The following ZFAND3 variants were observed in gnomAD, a reference collection of about 807,000 sequenced individuals.
The protein encoded by ZFAND3 is AN1-type zinc finger protein 3.
Under a neutral mutation model 29.6 loss-of-function variants are expected in ZFAND3, and 10 were observed. The ratio of observed to expected loss-of-function variants is 0.34; its 90% CI spans 0.21 to 0.57. ZFAND3 has a LOEUF of 0.57. Among genes scored for constraint, ZFAND3 ranks in the 20% least tolerant of loss-of-function variants. The pLI is 0.86. For missense variants in ZFAND3, 230 were observed against 304.5 expected (o/e 0.76, Z 1.82); for synonymous variants, 128 against 112.6 (o/e 1.14, Z -0.87).
intron 2 of ZFAND3, among the ~76,000 whole-genome samples, chr6:37,950,640 A>G (rs1346799515): frequency 1.3e-5 from 2 of 152,018 alleles, no homozygotes; most frequent in Admixed American, 6.6e-5. Flanking sequence ...CGGCCTCCCA[A>G]AGTGCTAGGA....
At chr6:38,141,265 TC>T (rs1261107107) in intron 5 of ZFAND3, among the ~76,000 whole-genome samples, 1 of 152,332 alleles carries the variant, frequency 6.6e-6, no homozygotes, top group East Asian at 1.9e-4. Flanking sequence ...CTCCTGCTCT[TC>T]CTTTCACTAC....
At chr6:37,870,475 G>A (rs867743629) in intron 1 of ZFAND3, among the ~76,000 whole-genome samples, 14 of 151,292 alleles carry the variant, frequency 9.3e-5, no homozygotes, top group Admixed American at 2.6e-4. Context: ...GGTGGCACGC[G>A]CCAATCCCAG....
rs116289716 is a variant in ZFAND3 at position 38,064,832 on chromosome 6, C to T, written c.295+3057C>T. On this transcript the variant is annotated intron_variant, in intron 3 of 5. Coordinates refer to ENST00000287218, the MANE Select transcript of ZFAND3 (RefSeq NM_021943.3). ...TCTGAAGCTAATCTCTTTCCTAATT[C>T]CTCAAGTTTCTACAGATCTAGGGAA... Among the ~76,000 whole-genome samples, 429 of 152,144 alleles carry T rather than the reference C, an allele frequency of 2.8e-3. 3 individuals carry two copies. The highest frequency in any genetic ancestry group is 1.0e-2 in the African/African-American group (413 of 41,482).
chr6:38,050,259 A>G (rs958547331), intron 2 of ZFAND3, among the ~76,000 whole-genome samples: 2 of 151,868 alleles, frequency 1.3e-5, no homozygotes, highest in Non-Finnish European at 2.9e-5. Flanking sequence ...CTGGCCAAGA[A>G]GGCAATTCAT....
intron 2 of ZFAND3, among the ~76,000 whole-genome samples, chr6:37,984,737 G>A (rs1283452931): frequency 1.3e-5 from 2 of 152,192 alleles, no homozygotes; most frequent in African/African-American, 4.8e-5. Flanking sequence ...ATAAGAGTGA[G>A]CTACTCGTCT....
At chr6:37,861,302 A>G (rs1343197286) in intron 1 of ZFAND3, among the ~76,000 whole-genome samples, 1 of 152,156 alleles carries the variant, frequency 6.6e-6, no homozygotes, top group African/African-American at 2.4e-5. Context: ...AAACAGTTTG[A>G]TTTCAAAGAT....
intron 1 of ZFAND3, among the ~76,000 whole-genome samples, chr6:37,905,727 G>A (rs773101896): frequency 2.0e-5 from 3 of 152,026 alleles, no homozygotes; most frequent in Admixed American, 1.3e-4. Context: ...TAGGGTTAGG[G>A]TGTACCACTT....
chr6:38,082,155 T>G (rs10947711), intron 3 of ZFAND3, among the ~76,000 whole-genome samples: 117,780 of 148,696 alleles, frequency 0.79, 46,830 homozygotes, highest in Admixed American at 0.82. Flanking sequence ...TTTTTTTTTT[T>G]TGTGTGTGAA....
chr6:38,118,726 C>T (rs1440718106), intron 5 of ZFAND3, among the ~76,000 whole-genome samples: 3 of 145,574 alleles, frequency 2.1e-5, no homozygotes, highest in Non-Finnish European at 3.0e-5. Context: ...CGCAGACTAC[C>T]TAATTTCCTA....
rs1349968234 is a variant in ZFAND3 at position 38,115,371 on chromosome 6, C to CT, written c.362-1200dup. ...CAAGTCATGCAGGGTATTTGAGAGT[C>CT]TAAGTATCTGGACTTTCACTCTGAC... On this transcript the variant is annotated intron_variant, in intron 4 of 5. Transcript: ENST00000287218. 5.3e-5 allele frequency among the ~76,000 whole-genome samples: 8 copies of CT among 152,286 alleles called. No individual in the cohort carries two copies. The South Asian group carries it at 6.2e-4, about 12-fold the overall frequency.
chr6:37,848,107 A>G (rs1002838644), intron 1 of ZFAND3, among the ~76,000 whole-genome samples: 1 of 152,228 alleles, frequency 6.6e-6, no homozygotes, highest in Non-Finnish European at 1.5e-5. Context: ...TCTTCTTTAT[A>G]TTTAGTAGGA....
intron 5 of ZFAND3, among the ~76,000 whole-genome samples, chr6:38,120,627 T>G (rs1441901511): frequency 2.0e-5 from 3 of 152,118 alleles, no homozygotes; most frequent in Non-Finnish European, 4.4e-5. Context: ...CGCCCGGCCT[T>G]CTTGGCTTCT....
At chr6:37,914,699 C>T (rs550759384) in intron 1 of ZFAND3, among the ~76,000 whole-genome samples, 17 of 85,948 alleles carry the variant, frequency 2.0e-4, no homozygotes, top group Middle Eastern at 6.1e-3. Context: ...GACGGGGTTT[C>T]GCTGTGTTAG....
chr6:37,861,497 G>A (rs946021915), intron 1 of ZFAND3, among the ~76,000 whole-genome samples: 2 of 152,212 alleles, frequency 1.3e-5, no homozygotes, highest in East Asian at 3.9e-4. Flanking sequence ...AGGGTACAGT[G>A]AAAAAAGAAC....
intron 2 of ZFAND3, among the ~76,000 whole-genome samples, chr6:38,049,947 T>G (rs1763988691): frequency 2.8e-4 from 1 of 3,572 alleles, no homozygotes; most frequent in Non-Finnish European, 2.0e-3. Flanking sequence ...GGCAATTAAT[T>G]TTTTTTTTTT....
intron 2 of ZFAND3, among the ~76,000 whole-genome samples, chr6:38,033,183 TAAG>T (rs1294692696): frequency 2.6e-5 from 4 of 152,182 alleles, no homozygotes; most frequent in African/African-American, 7.2e-5. Flanking sequence ...TTTAGACCTG[TAAG>T]AAGATCAGAA....
chr6:37,934,764 G>A (rs936623561), intron 2 of ZFAND3, among the ~76,000 whole-genome samples: 5 of 139,272 alleles, frequency 3.6e-5, no homozygotes, highest in African/African-American at 5.2e-5. Flanking sequence ...ACTTGAACCC[G>A]GTGGGTGGAG....
chr6:37,829,202 C>T (rs1561902780), intron 1 of ZFAND3, among the ~76,000 whole-genome samples: 1 of 151,416 alleles, frequency 6.6e-6, no homozygotes, highest in East Asian at 1.9e-4. Context: ...TGCACTCCAG[C>T]CTGGGTAACA....
At chr6:38,146,328 C>G (rs1356566387) in intron 5 of ZFAND3, among the ~76,000 whole-genome samples, 1 of 152,184 alleles carries the variant, frequency 6.6e-6, no homozygotes, top group Non-Finnish European at 1.5e-5. Flanking sequence ...TTCCCATGCC[C>G]AGGGCAGCCT....
Sources: gnomAD v4.1 joint callset for allele counts (sites outside exome capture counted in the v4.1 genomes callset) on GRCh38, gnomAD v4.1.1 for gene constraint, MANE v1.5 for transcripts, NCBI Gene and HGNC (gene_info 2026-07-23, HGNC 2026-07-21) for gene names.